The following NRG4 variants were observed in gnomAD, a reference collection of about 807,000 sequenced individuals.
The protein encoded by NRG4 is pro-neuregulin-4, membrane-bound isoform.
A neutral mutation model predicts 15.0 loss-of-function variants in NRG4; 10 were observed. That is an observed-to-expected ratio of 0.67 (90% confidence interval 0.41 to 1.13). The LOEUF is 1.13. NRG4 is among the 50% of genes most tolerant of loss of function. The pLI, the probability that NRG4 is intolerant of heterozygous loss-of-function variation, is 0.00. For synonymous variants in NRG4, 41 were observed against 50.1 expected, an observed-to-expected ratio of 0.82 and a Z score of 0.77; for missense variants, 139 against 140.2, an observed-to-expected ratio of 0.99 and a Z score of 0.04.
chr15:75,940,281 A>T (rs530620981), downstream of NRG4: 4 of 152,242 alleles, frequency 2.6e-5, no homozygotes, highest in South Asian at 8.3e-4. Flanking sequence ...AAATTAGCTT[A>T]CCCAAGGTGG....
chr15:75,947,036 C>T (rs2031568280), intron 5 of NRG4, among the ~76,000 whole-genome samples: 1 of 152,088 alleles, frequency 6.6e-6, no homozygotes, highest in African/African-American at 2.4e-5. Flanking sequence ...AGGAAGTAAC[C>T]ATGTTCTTGG....
chr15:76,050,255 T>C (rs1246487101), intron 4 of NRG4, among the ~76,000 whole-genome samples: 2 of 150,812 alleles, frequency 1.3e-5, no homozygotes, highest in African/African-American at 5.0e-5. Context: ...GAAAGAGGAT[T>C]CTACAATTTC....
chr15:75,950,255 A>T (rs1001393312), intron 5 of NRG4, among the ~76,000 whole-genome samples: 6 of 152,086 alleles, frequency 3.9e-5, no homozygotes, highest in Non-Finnish European at 7.3e-5. Context: ...TTAAATTTCC[A>T]TATCTAATTG....
intron 3 of NRG4, among the ~76,000 whole-genome samples, chr15:75,985,824 A>G (rs1486030976): frequency 6.6e-6 from 1 of 152,052 alleles, no homozygotes; most frequent in Non-Finnish European, 1.5e-5. Flanking sequence ...AAACTTAATT[A>G]TGGCCAAAAT....
At chr15:76,015,387 G>A (rs1213086341), upstream of NRG4, among the ~76,000 whole-genome samples, 2 of 152,198 alleles carry the variant, frequency 1.3e-5, no homozygotes, top group East Asian at 3.8e-4. Flanking sequence ...TGTTGAATAG[G>A]AATGGTGAGA....
intron 5 of NRG4, among the ~76,000 whole-genome samples, chr15:76,027,073 A>G (rs186215326): frequency 0.02 from 2,982 of 152,258 alleles, 42 homozygotes; most frequent in Non-Finnish European, 0.03. Flanking sequence ...GTGAGCTGAG[A>G]TTGTGCCACT....
intron 4 of NRG4, 37 bp from the exon 5 acceptor site, chr15:75,956,048 T>A: frequency 8.1e-7 from 1 of 1,230,844 alleles, no homozygotes; most frequent in Non-Finnish European, 1.2e-6. Flanking sequence ...AAAATGGAAG[T>A]GTAATAGGAA....
intron 5 of NRG4, among the ~76,000 whole-genome samples, chr15:75,951,598 A>T (rs986976155): frequency 3.9e-5 from 6 of 152,144 alleles, no homozygotes; most frequent in African/African-American, 1.4e-4. Flanking sequence ...TAACTGGGTG[A>T]CTTAGACTTT....
chr15:75,962,530 T>C (rs888449604), intron 3 of NRG4, among the ~76,000 whole-genome samples: 1 of 152,184 alleles, frequency 6.6e-6, no homozygotes, highest in African/African-American at 2.4e-5. Flanking sequence ...ACTGTTACTT[T>C]ATAATATATT....
chr15:76,056,370 AT>A (rs2036151204), intron 2 of NRG4, among the ~76,000 whole-genome samples: 1 of 152,142 alleles, frequency 6.6e-6, no homozygotes, highest in African/African-American at 2.4e-5. Context: ...AGGCAGGAGA[AT>A]TGCTTGAACC....
chr15:75,961,920 G>A lies in NRG4; in HGVS notation c.159C>T (p.Ser53=), dbSNP rs761373562. The A allele has an allele frequency of 1.2e-6, 2 of 1,613,500 alleles. No individual in the cohort carries two copies. The highest frequency in any genetic ancestry group is 2.2e-5 in the South Asian group (2 of 91,054). Residue 53 remains serine, a synonymous_variant, in exon 4 of 6, where the codon TCC becomes TCT. Coordinates refer to ENST00000394907, the MANE Select transcript of NRG4 (RefSeq NM_138573.4). ...ACAGGTTACTTTTAGTTTGGATGCT[G>A]GAGCCTGGGAGAAAAACCTCTTCAC... ...ARCEEVFLPG[S]SIQTKSNLFE...
At chr15:75,981,409 G>A (rs985956054) in intron 3 of NRG4, among the ~76,000 whole-genome samples, 4 of 152,132 alleles carry the variant, frequency 2.6e-5, no homozygotes, top group South Asian at 2.1e-4. Flanking sequence ...CAAGAATTCT[G>A]AGTAAATTAT....
chr15:76,053,415 CAA>C (rs964323543), intron 2 of NRG4: 1 of 150,224 alleles, frequency 6.7e-6, no homozygotes, highest in South Asian at 2.1e-4. Flanking sequence ...GGGACTGCTA[CAA>C]AAAAAATAAA....
At chr15:76,036,198 G>A (rs2035593664) in intron 4 of NRG4, among the ~76,000 whole-genome samples, 1 of 152,168 alleles carries the variant, frequency 6.6e-6, no homozygotes, top group South Asian at 2.1e-4. Context: ...TTTCACTAAG[G>A]TTCTACCACC....
chr15:75,962,105 G>A, intron 3 of NRG4, 131 bp from the exon 4 acceptor site: 1 of 591,696 alleles, frequency 1.7e-6, no homozygotes, highest in Admixed American at 3.3e-5. Flanking sequence ...GAGTAGACAG[G>A]TTTTCCTATA....
Position 76,048,471 on chromosome 15 carries a change from C to CAAAAA in NRG4, c.-105+3591_-105+3595dup, listed in dbSNP as rs35429006. ...TGGGCAACAAAACAAGACTCTGACTCAAAAAAAAAAAAAAAAAAAAGCTGG... is the reference window on the plus strand; with the variant it reads ...TGGGCAACAAAACAAGACTCTGACTCAAAAAAAAAAAAAAAAAAAAAAAAAGCTGG... On this transcript the variant is annotated intron_variant, in intron 4 of 8. Transcript: ENST00000563910. 3.0e-4 allele frequency among the ~76,000 whole-genome samples: 22 copies of CAAAAA among 74,012 alleles called. No homozygotes were observed. In the South Asian group the frequency reaches 4.0e-3, roughly 14 times the overall value. 48.6% of individuals were successfully genotyped at this position (74,012 alleles called of 152,430 possible). A position where few individuals can be genotyped will look rare whatever the true frequency, so the allele number is the denominator to read the frequency against.
chr15:76,017,610 T>C (rs1453393395), intron 5 of NRG4, among the ~76,000 whole-genome samples: 1 of 152,188 alleles, frequency 6.6e-6, no homozygotes, highest in Non-Finnish European at 1.5e-5. Context: ...TTTTGCTGGA[T>C]ATGAAATTCT....
intron 3 of NRG4, among the ~76,000 whole-genome samples, chr15:76,002,121 GA>G (rs1367904698): frequency 1.3e-5 from 2 of 152,104 alleles, no homozygotes; most frequent in East Asian, 3.8e-4. Context: ...CAGCTATTTC[GA>G]AAACTGTGTG....
At chr15:75,955,154 T>C (rs529968530) in intron 5 of NRG4, among the ~76,000 whole-genome samples, 8 of 152,294 alleles carry the variant, frequency 5.3e-5, no homozygotes, top group South Asian at 2.1e-4. Flanking sequence ...AGCTGAATAC[T>C]TGAACTGAAA....
Sources: gnomAD v4.1 joint callset for allele counts (sites outside exome capture counted in the v4.1 genomes callset) on GRCh38, gnomAD v4.1.1 for gene constraint, MANE v1.5 for transcripts, NCBI Gene and HGNC (gene_info 2026-07-23, HGNC 2026-07-21) for gene names.